Variants in NRXN1 observed in about 807,000 individuals in gnomAD.
NRXN1 encodes the protein neurexin-1.
NRXN1 carries 39 observed loss-of-function variants against 150.9 expected under a neutral mutation model. The ratio of observed to expected loss-of-function variants is 0.26; its 90% CI spans 0.20 to 0.34. The LOEUF is 0.34. NRXN1 is among the 10% of genes least tolerant of loss of function. The pLI, the probability that NRXN1 is intolerant of heterozygous loss-of-function variation, is 1.00. For synonymous variants in NRXN1, 924 were observed against 757.0 expected, an observed-to-expected ratio of 1.22 and a Z score of -3.62; for missense variants, 1,815 against 1,949.9, an observed-to-expected ratio of 0.93 and a Z score of 1.30.
chr2:50,131,007 A>G (rs1413720455), intron 18 of NRXN1, among the ~76,000 whole-genome samples: 1 of 152,194 alleles, frequency 6.6e-6, no homozygotes, highest in Non-Finnish European at 1.5e-5. Context: ...CTTTATTGGT[A>G]CCATATTAAG....
intron 17 of NRXN1, among the ~76,000 whole-genome samples, chr2:50,338,061 T>C (rs1056483106): frequency 6.6e-6 from 1 of 152,164 alleles, no homozygotes; most frequent in Non-Finnish European, 1.5e-5. Context: ...CTAGGACTAG[T>C]CCCAAGAAAA....
intron 17 of NRXN1, among the ~76,000 whole-genome samples, chr2:50,425,515 G>C (rs2084405331): frequency 2.0e-5 from 3 of 152,158 alleles, no homozygotes; most frequent in African/African-American, 7.2e-5. Flanking sequence ...GAGGCAGGTA[G>C]AGGCAGAGAT....
chr2:50,406,687 T>C (rs1480462809), intron 17 of NRXN1, among the ~76,000 whole-genome samples: 3 of 152,122 alleles, frequency 2.0e-5, no homozygotes, highest in Admixed American at 2.0e-4. Context: ...TAACATTGGG[T>C]TAAGCATTTC....
At chr2:50,681,623 T>A (rs1443789690) in intron 5 of NRXN1, among the ~76,000 whole-genome samples, 1 of 152,164 alleles carries the variant, frequency 6.6e-6, no homozygotes, top group Non-Finnish European at 1.5e-5. Flanking sequence ...GAAGTAATAT[T>A]CTAGGACTAT....
chr2:50,872,010 T>A lies in NRXN1; in HGVS notation c.832+49859A>T, dbSNP rs1223729734. Among the ~76,000 whole-genome samples the A allele has an allele frequency of 9.9e-5, 15 of 151,784 alleles. No individual in the cohort carries two copies. In the East Asian group the frequency reaches 2.9e-3, roughly 30 times the overall value. The stretch of plus-strand genomic sequence containing the variant: ...TTTTCCCTGTAGAGAATTTGAAATA[T>A]TTAGAGAAAGTGTAAGAAAAAAAAT... On this transcript the variant is annotated intron_variant, in intron 5 of 22. Transcript: ENST00000401669.
chr2:50,308,000 T>G (rs1422324991), intron 17 of NRXN1, among the ~76,000 whole-genome samples: 1 of 152,236 alleles, frequency 6.6e-6, no homozygotes, highest in African/African-American at 2.4e-5. Context: ...AACATGATGT[T>G]TTGACATATG....
rs191025018 is a variant in NRXN1, at chr2:50,779,723, G to A, written c.832+142146C>T. Among the ~76,000 whole-genome samples the A allele has an allele frequency of 9.9e-5, 15 of 152,034 alleles. No homozygotes were observed. In the South Asian group the frequency reaches 1.0e-3, roughly 11 times the overall value. On this transcript the variant is annotated intron_variant, in intron 5 of 22. Coordinates refer to ENST00000401669, the MANE Select transcript of NRXN1 (RefSeq NM_001330078.2). ...GTGGAGCTTGCAGTGAGCTGAGATC[G>A]CGCCACTGCACTCCAGCCTGGGTGA... is the stretch of plus-strand genomic sequence containing the variant.
chr2:50,481,929 C>T (rs1053269848), intron 15 of NRXN1, among the ~76,000 whole-genome samples: 1 of 145,620 alleles, frequency 6.9e-6, no homozygotes, highest in Non-Finnish European at 1.5e-5. Context: ...CTACGCCCGG[C>T]TAATTTTTTT....
intron 5 of NRXN1, among the ~76,000 whole-genome samples, chr2:50,859,595 T>C (rs1156480730): frequency 2.0e-5 from 3 of 150,188 alleles, no homozygotes; most frequent in African/African-American, 7.3e-5. Context: ...TACAGGTTGG[T>C]TACAGGTATT....
intron 18 of NRXN1, among the ~76,000 whole-genome samples, chr2:50,204,486 C>T (rs1235672622): frequency 6.6e-6 from 1 of 151,876 alleles, no homozygotes; most frequent in African/African-American, 2.4e-5. Context: ...TGTTTATTTC[C>T]ATGAGCTCAG....
chr2:50,661,916 G>A, intron 5 of NRXN1, among the ~76,000 whole-genome samples: 1 of 152,002 alleles, frequency 6.6e-6, no homozygotes, highest in African/African-American at 2.4e-5. Context: ...ACTTGCAGAG[G>A]CTGGGAAGGG....
chr2:51,024,297 G>A (rs1012278987), intron 2 of NRXN1, among the ~76,000 whole-genome samples: 39 of 152,100 alleles, frequency 2.6e-4, no homozygotes, highest in African/African-American at 8.2e-4. Flanking sequence ...TGAGGCTGAC[G>A]CTCAGGGTCA....
intron 19 of NRXN1, among the ~76,000 whole-genome samples, chr2:50,086,107 A>G (rs1049669316): frequency 7.9e-5 from 12 of 152,200 alleles, no homozygotes; most frequent in African/African-American, 1.9e-4. Context: ...CCCTCCTTCA[A>G]ATGTAATGAT....
intron 17 of NRXN1, among the ~76,000 whole-genome samples, chr2:50,449,420 G>C (rs1056535728): frequency 2.0e-5 from 3 of 152,112 alleles, no homozygotes; most frequent in Non-Finnish European, 4.4e-5. Context: ...AGTCGACTTA[G>C]TCACTCCTTC....
chr2:50,301,369 T>C (rs1289893171), intron 17 of NRXN1, among the ~76,000 whole-genome samples: 2 of 152,180 alleles, frequency 1.3e-5, no homozygotes, highest in African/African-American at 4.8e-5. Context: ...ATATGGTTGA[T>C]CCAGGGTCTG....
At chr2:50,696,551 A>T (rs1389256240) in intron 5 of NRXN1, among the ~76,000 whole-genome samples, 2 of 152,042 alleles carry the variant, frequency 1.3e-5, no homozygotes, top group Non-Finnish European at 2.9e-5. Context: ...GGCGGAGAAA[A>T]CTGTTTATGC....
intron 2 of NRXN1, among the ~76,000 whole-genome samples, chr2:51,019,578 G>A (rs1669277898): frequency 6.6e-6 from 1 of 151,938 alleles, no homozygotes; most frequent in South Asian, 2.1e-4. Flanking sequence ...TGAGAGTTAT[G>A]GTTGAACTAC....
chr2:50,769,970 G>A lies in NRXN1; in HGVS notation c.833-146355C>T, dbSNP rs529814703. 2.1e-3 allele frequency among the ~76,000 whole-genome samples: 320 copies of A among 152,148 alleles called. 2 individuals carry two copies. The highest frequency in any genetic ancestry group is 3.8e-3 in the Non-Finnish European group (259 of 68,002). On this transcript the variant is annotated intron_variant, in intron 5 of 22. Coordinates refer to ENST00000401669, the MANE Select transcript of NRXN1 (RefSeq NM_001330078.2). ...ATGGGGGTGAGAAGCCAAGGCAGCCGGAAAATCACTAATAAGGGGCATTTG... is the reference window on the plus strand; with the variant it reads ...ATGGGGGTGAGAAGCCAAGGCAGCCAGAAAATCACTAATAAGGGGCATTTG...
intron 5 of NRXN1, among the ~76,000 whole-genome samples, chr2:50,688,913 T>G (rs1421401785): frequency 3.9e-5 from 6 of 152,194 alleles, no homozygotes; most frequent in Admixed American, 3.9e-4. Flanking sequence ...GGTTTTTTGT[T>G]GCATCACACT....
Sources: allele counts gnomAD v4.1 joint callset (sites outside exome capture counted in the v4.1 genomes callset), GRCh38; gene constraint gnomAD v4.1.1; transcripts MANE v1.5; gene names NCBI Gene and HGNC (gene_info 2026-07-23, HGNC 2026-07-21).